Variants in CLASP1 observed in about 807,000 individuals in gnomAD.
The protein encoded by CLASP1 is CLIP-associating protein 1.
A neutral mutation model predicts 192.3 loss-of-function variants in CLASP1; 38 were observed. The ratio of observed to expected loss-of-function variants is 0.20; its 90% CI spans 0.15 to 0.26. The LOEUF (loss-of-function observed/expected upper bound fraction) is 0.26. CLASP1 is among the 10% of genes least tolerant of loss of function. CLASP1 has a pLI of 1.00. For synonymous variants in CLASP1, 691 were observed against 712.8 expected, an observed-to-expected ratio of 0.97 and a Z score of 0.49; for missense variants, 1,433 against 1,932.5, an observed-to-expected ratio of 0.74 and a Z score of 4.85.
At chr2:121,506,593 T>C (rs2093956713) in intron 7 of CLASP1, among the ~76,000 whole-genome samples, 1 of 152,104 alleles carries the variant, frequency 6.6e-6, no homozygotes, top group Admixed American at 6.5e-5. Context: ...CACGTATATG[T>C]GCAAGGCTGT....
chr2:121,501,366 C>T (rs1032696245), intron 8 of CLASP1, among the ~76,000 whole-genome samples: 5 of 152,138 alleles, frequency 3.3e-5, no homozygotes, highest in Middle Eastern at 3.2e-3. Flanking sequence ...CCACTCATCA[C>T]GAGTGCACCA....
chr2:121,425,045 A>T, intron 22 of CLASP1, 94 bp downstream of exon 22: 1 of 1,261,272 alleles, frequency 7.9e-7, no homozygotes, highest in Non-Finnish European at 1.1e-6. Context: ...CAAAAAATAG[A>T]TCTATATTTC....
chr2:121,460,194 G>A (rs1575072128), intron 11 of CLASP1, 69 bp from the exon 12 acceptor site: 1 of 1,249,236 alleles, frequency 8.0e-7, no homozygotes, highest in Non-Finnish European at 1.1e-6. Context: ...AACAAAAGAA[G>A]TCATCAAATA....
At chr2:121,541,311 T>C (rs2095228641) in intron 2 of CLASP1, among the ~76,000 whole-genome samples, 1 of 152,244 alleles carries the variant, frequency 6.6e-6, no homozygotes, top group Admixed American at 6.5e-5. Flanking sequence ...TTCACATTCA[T>C]ATTGCACTTC....
chr2:121,596,566 A>G (rs1399036643), intron 2 of CLASP1, among the ~76,000 whole-genome samples: 2 of 152,200 alleles, frequency 1.3e-5, no homozygotes. Flanking sequence ...CCATAAACAC[A>G]CTTGATCTAG....
At chr2:121,375,028 G>A (rs1359413193) in intron 34 of CLASP1, among the ~76,000 whole-genome samples, 1 of 152,142 alleles carries the variant, frequency 6.6e-6, no homozygotes, top group Non-Finnish European at 1.5e-5. Context: ...GGGGTAGAAT[G>A]ATATAGTTTG....
intron 2 of CLASP1, among the ~76,000 whole-genome samples, chr2:121,548,488 T>C (rs1160639309): frequency 2.0e-5 from 3 of 152,174 alleles, no homozygotes; most frequent in Admixed American, 1.3e-4. Context: ...AAAATATATT[T>C]CAGGGTATCA....
At chr2:121,371,675 G>A (rs1265054368) in intron 34 of CLASP1, among the ~76,000 whole-genome samples, 6 of 152,160 alleles carry the variant, frequency 3.9e-5, no homozygotes, top group African/African-American at 1.4e-4. Flanking sequence ...GAAACCGGCA[G>A]TGGGAACACG....
chr2:121,357,048 G>A (rs79542250), intron 37 of CLASP1, among the ~76,000 whole-genome samples: 2,283 of 152,194 alleles, frequency 0.015, 56 homozygotes, highest in African/African-American at 0.051. Flanking sequence ...TTCTAATTCC[G>A]GTATCCATCT....
chr2:121,389,559 C>T (rs1319187219), intron 30 of CLASP1, among the ~76,000 whole-genome samples: 2 of 150,814 alleles, frequency 1.3e-5, no homozygotes, highest in African/African-American at 4.9e-5. Flanking sequence ...GGAATTGTAG[C>T]AGGGAAAACA....
At chr2:121,627,399 G>T (rs1050040448) in intron 1 of CLASP1, among the ~76,000 whole-genome samples, 5 of 152,190 alleles carry the variant, frequency 3.3e-5, no homozygotes, top group Admixed American at 2.0e-4. Flanking sequence ...AATCTGCCAG[G>T]CACTGCCCTC....
chr2:121,638,779 T>G lies in CLASP1; in HGVS notation c.-286+10593A>C, dbSNP rs1287920978. On this transcript the variant is annotated intron_variant, in intron 1 of 39. Transcript: ENST00000263710. ...GCCTCCCAGGATCAAGCAATTCTCC[T>G]GCCTCAGCCTCCCAAGTAGCTGAGA... 2.0e-5 allele frequency among the ~76,000 whole-genome samples: 3 copies of G among 151,914 alleles called. No individual in the cohort carries two copies. In the East Asian group the frequency reaches 5.8e-4, roughly 30 times the overall value.
At chr2:121,457,571 G>A (rs2086970425) in intron 14 of CLASP1, 116 bp downstream of exon 14, 1 of 746,746 alleles carries the variant, frequency 1.3e-6, no homozygotes, top group Admixed American at 2.7e-5. Context: ...TTACTGCAGT[G>A]ATTTTAAGTA....
chr2:121,530,872 T>G (rs756772314), intron 2 of CLASP1: 1 of 679,204 alleles, frequency 1.5e-6, no homozygotes, highest in Admixed American at 2.1e-5. Flanking sequence ...CCAGGGACTT[T>G]CTATTATAAC....
chr2:121,528,859 T>C, intron 3 of CLASP1, 79 bp from the exon 4 acceptor site: 5 of 1,099,360 alleles, frequency 4.5e-6, no homozygotes, highest in Non-Finnish European at 7.0e-6. Context: ...ATCTCAATTA[T>C]GTGGGAAGAC....
At chr2:121,494,556 G>A (rs957495650) in intron 8 of CLASP1, among the ~76,000 whole-genome samples, 1 of 152,112 alleles carries the variant, frequency 6.6e-6, no homozygotes. Context: ...GATAACTACA[G>A]TCAATATTTA....
chr2:121,425,399 G>T, intron 21 of CLASP1, 93 bp from the exon 22 acceptor site: 1 of 1,051,182 alleles, frequency 9.5e-7, no homozygotes. Context: ...CATTAATTTG[G>T]CTAAAATACA....
intron 2 of CLASP1, chr2:121,603,302 G>A (rs1217480873): frequency 6.6e-6 from 1 of 151,840 alleles, no homozygotes. Context: ...ACATACCAAT[G>A]GCCAACAAAT....
intron 36 of CLASP1, chr2:121,364,361 T>C (rs2066982335): frequency 6.6e-6 from 1 of 152,316 alleles, no homozygotes; most frequent in Non-Finnish European, 1.5e-5. Context: ...AAACTTTTTC[T>C]TGTAGAGGTT....
Sources: gnomAD v4.1 joint callset for allele counts (sites outside exome capture counted in the v4.1 genomes callset) on GRCh38, gnomAD v4.1.1 for gene constraint, MANE v1.5 for transcripts, NCBI Gene and HGNC (gene_info 2026-07-23, HGNC 2026-07-21) for gene names.